IDO2: variants seen among roughly 807,000 people sequenced by gnomAD.
IDO2 encodes indoleamine 2,3-dioxygenase 2, also known as indoleamine 2,3-dioxygenase-like 1 protein.
In IDO2, 46 loss-of-function variants were observed where a neutral mutation model predicts 45.1. The ratio of observed to expected loss-of-function variants is 1.02; its 90% CI spans 0.80 to 1.30. IDO2 has a LOEUF of 1.30. IDO2 is among the 50% of genes most tolerant of loss of function. IDO2 has a pLI of 0.00. For missense variants in IDO2, 544 were observed against 491.8 expected (o/e 1.11, Z -1.00); for synonymous variants, 218 against 184.9 (o/e 1.18, Z -1.45).
At chr8:40,011,883 C>A (rs1036193066) in intron 9 of IDO2, among the ~76,000 whole-genome samples, 9 of 152,172 alleles carry the variant, frequency 5.9e-5, no homozygotes, top group African/African-American at 1.9e-4. Context: ...ATAGCTGCAG[C>A]CTGTCAGGGC....
At chr8:40,001,428 T>G (rs1297758403) in intron 8 of IDO2, among the ~76,000 whole-genome samples, 2 of 151,848 alleles carry the variant, frequency 1.3e-5, no homozygotes, top group African/African-American at 2.4e-5. Flanking sequence ...TTTTGTATTT[T>G]TAGTAGAGAT....
chr8:39,995,221 C>CTTCTTCTTCTT (rs1802017815), intron 8 of IDO2: 1 of 73,548 alleles, frequency 1.4e-5, no homozygotes, highest in African/African-American at 5.6e-5. Flanking sequence ...TTCTCCTTCT[C>CTTCTTCTTCTT]CTTCTCCTTC....
In IDO2 at chr8:39,963,719, C is replaced by G; in HGVS notation, c.195+16C>G. On this transcript the variant is annotated intron_variant, in intron 3 of 10. Coordinates refer to ENST00000502986, the Ensembl canonical transcript of IDO2. ...TGTGGACAAGGTATTCTTCTCTTCA[C>G]CCCCTCATCACATTCTGTTTTCATC... 1 of 1,441,794 alleles carries G rather than the reference C, an allele frequency of 6.9e-7. No individual in the cohort carries two copies. The allele number at this position is 1,441,794 out of a possible 1,614,324, so 89.3% of individuals were successfully genotyped here.
chr8:39,957,599 G>T (rs1165885752), intron 2 of IDO2, among the ~76,000 whole-genome samples: 1 of 152,100 alleles, frequency 6.6e-6, no homozygotes, highest in Non-Finnish European at 1.5e-5. Context: ...GTGACAGAGT[G>T]AGATCCTGTC....
At chr8:39,981,015 G>T (rs983275546) in intron 4 of IDO2, among the ~76,000 whole-genome samples, 10 of 149,446 alleles carry the variant, frequency 6.7e-5, no homozygotes, top group Admixed American at 2.7e-4. Context: ...GCCTCCCAAA[G>T]TGCTGTGATT....
At chr8:39,943,561 C>T (rs1402177414) in intron 1 of IDO2, among the ~76,000 whole-genome samples, 1 of 151,576 alleles carries the variant, frequency 6.6e-6, no homozygotes, top group African/African-American at 2.4e-5. Context: ...CACAGTGAAA[C>T]CCCGTCTCTA....
At chr8:39,943,920 G>A (rs145690872) in intron 1 of IDO2, among the ~76,000 whole-genome samples, 2 of 152,158 alleles carry the variant, frequency 1.3e-5, no homozygotes, top group Non-Finnish European at 2.9e-5. Flanking sequence ...ATTGAGAATG[G>A]CTCGAGAGGT....
rs142384316 is a variant in IDO2 at position 39,993,042 on chromosome 8, G to T, written c.667+3204G>T. ...CCCCCATAAGGCAGAAGTCCACACGGTACTGGAAACATAACCATATCTATG... is the reference window on the plus strand; with the variant it reads ...CCCCCATAAGGCAGAAGTCCACACGTTACTGGAAACATAACCATATCTATG... On this transcript the variant is annotated intron_variant, in intron 8 of 10. Transcript: ENST00000502986. Among the ~76,000 whole-genome samples, 1,001 of 152,180 alleles carry T rather than the reference G, an allele frequency of 6.6e-3. 11 individuals carry two copies. Among genetic ancestry groups the T allele is most frequent in the African/African-American group, 0.022 (911 of 41,508 alleles).
chr8:39,995,221 C>CTTCTT (rs1802017815), intron 8 of IDO2: 5 of 73,542 alleles, frequency 6.8e-5, no homozygotes, highest in African/African-American at 2.8e-4. Flanking sequence ...TTCTCCTTCT[C>CTTCTT]CTTCTCCTTC....
chr8:39,985,494 T>C lies in IDO2; in HGVS notation c.435-14T>C. 6.4e-7 allele frequency: 1 copy of C among 1,561,756 alleles called. No individual in the cohort carries two copies. The highest frequency in any genetic ancestry group is 8.7e-7 in the Non-Finnish European group (1 of 1,151,210). On this transcript the variant is annotated splice_polypyrimidine_tract_variant and intron_variant, in intron 5 of 10. Coordinates refer to ENST00000502986, the Ensembl canonical transcript of IDO2. ...TTCTCTCTTGGTGGTCATCAATAAC[T>C]GAAATTGGGCTAGATTCCTGGAAAT... is the stretch of plus-strand genomic sequence containing the variant.
At chr8:39,935,189 C>T in exon 1 of IDO2, 1 of 1,613,564 alleles carries the variant, frequency 6.2e-7, no homozygotes, top group Non-Finnish European at 8.5e-7. Context: ...CACCAGGCCA[C>T]CACAAGAATG....
chr8:40,015,169 A>G lies in IDO2; in HGVS notation c.869-78A>G, dbSNP rs191725493. ...GATCTCATCTAGAGAAAAAAAAAAT[A>G]AAAAAGAAGAAGAAGCAGACGAGCT... On this transcript the variant is annotated intron_variant, in intron 10 of 10. Transcript: ENST00000502986. 250 of 888,858 alleles carry G rather than the reference A, an allele frequency of 2.8e-4. No individual in the cohort carries two copies. The African/African-American group carries it at 3.8e-3, about 13-fold the overall frequency. The allele number at this position is 888,858 out of a possible 1,614,324, so 55.1% of individuals were successfully genotyped here. A position where few individuals can be genotyped will look rare whatever the true frequency, so the allele number is the denominator to read the frequency against.
chr8:39,950,304 G>T (rs1313547473), intron 2 of IDO2, among the ~76,000 whole-genome samples: 1 of 152,190 alleles, frequency 6.6e-6, no homozygotes, highest in South Asian at 2.1e-4. Context: ...GCCAAGGCAG[G>T]TGGATCACTT....
intron 4 of IDO2, among the ~76,000 whole-genome samples, chr8:39,979,813 TGAAG>T (rs1238935009): frequency 1.1e-4 from 16 of 152,104 alleles, no homozygotes; most frequent in African/African-American, 3.6e-4. Flanking sequence ...GACCTGCATT[TGAAG>T]GCAGATTGCC....
At chr8:39,985,389 A>T (rs1467192746) in intron 5 of IDO2, 119 bp from the exon 6 acceptor site, 1 of 824,326 alleles carries the variant, frequency 1.2e-6, no homozygotes. Context: ...CTTGCACACA[A>T]GTGTGCATGC....
chr8:39,947,845 T>A (rs1405287861), intron 1 of IDO2, among the ~76,000 whole-genome samples: 1 of 150,008 alleles, frequency 6.7e-6, no homozygotes. Context: ...TGGAGTGCAA[T>A]GGCGCGATCT....
intron 3 of IDO2, among the ~76,000 whole-genome samples, chr8:39,967,926 C>G (rs1046371496): frequency 6.6e-6 from 1 of 152,136 alleles, no homozygotes; most frequent in Non-Finnish European, 1.5e-5. Flanking sequence ...AGTTTGAAAA[C>G]TAGCTTGGCA....
chr8:39,954,754 C>CA (rs2129593529), intron 2 of IDO2, among the ~76,000 whole-genome samples: 1 of 145,734 alleles, frequency 6.9e-6, no homozygotes, highest in East Asian at 2.1e-4. Context: ...CTCCCGGGTT[C>CA]AAGCAATTCT....
chr8:39,944,813 CT>C (rs1807706913), intron 1 of IDO2, among the ~76,000 whole-genome samples: 1 of 152,112 alleles, frequency 6.6e-6, no homozygotes, highest in African/African-American at 2.4e-5. Context: ...TTCTTTGGGG[CT>C]GAGAGAATTT....
Sources: allele counts gnomAD v4.1 joint callset (sites outside exome capture counted in the v4.1 genomes callset), GRCh38; gene constraint gnomAD v4.1.1; transcripts MANE v1.5; gene names NCBI Gene and HGNC (gene_info 2026-07-23, HGNC 2026-07-21).